Variants in ITIH6 observed in about 807,000 individuals in gnomAD.
ITIH6 encodes the protein inter-alpha-trypsin inhibitor heavy chain H6.
ITIH6 carries 60 observed loss-of-function variants against 58.2 expected under a neutral mutation model. The observed-to-expected ratio is 1.03, with a 90% CI of 0.84 to 1.28. The LOEUF (loss-of-function observed/expected upper bound fraction) is 1.28, where lower values mean the gene tolerates loss of function less well. Among genes scored for constraint, ITIH6 ranks in the 50% most tolerant of loss-of-function variants. The probability of loss-of-function intolerance (pLI) is 0.00; values close to 1 mark genes in which losing one functional copy is unlikely to be tolerated. For missense variants in ITIH6, 1,290 were observed against 1,021.1 expected (o/e 1.26, Z -3.59); for synonymous variants, 493 against 417.4 (o/e 1.18, Z -2.21).
At chrX:54,793,000 C>G (rs1250307844) in intron 2 of ITIH6, among the ~76,000 whole-genome samples, 1 of 110,392 alleles carries the variant, frequency 9.1e-6, no homozygotes, top group Non-Finnish European at 1.9e-5. Context: ...GTCCTCTATT[C>G]TTTCTACATT....
rs1180302958 is a variant in ITIH6, at chrX:54,759,897, C to T, written c.934G>A (p.Asp312Asn). Residue 312 changes from aspartate to asparagine, a missense_variant, in exon 7 of 13, where the codon GAC (aspartate) becomes AAC (asparagine). By Grantham distance (23) the Asp-to-Asn change is conservative. Coordinates refer to ENST00000218436, the MANE Select transcript of ITIH6 (RefSeq NM_198510.3). ...TTGAAGTAGTCATTGGCTTGAAGGT[C>T]ACTGAGGATCACATTCATGGCCGTT... ...TKTAMNVILSDLQANDYFNII... is the reference protein window; with the variant it reads ...TKTAMNVILSNLQANDYFNII... 8.3e-7 allele frequency: 1 copy of T among 1,207,701 alleles called. No homozygotes were observed. Among genetic ancestry groups the T allele is most frequent in the Non-Finnish European group, 1.1e-6 (1 of 893,484 alleles).
chrX:54,750,160 GA>G, intron 12 of ITIH6, 54 bp from the exon 13 acceptor site: 1 of 982,661 alleles, frequency 1.0e-6, no homozygotes, highest in Non-Finnish European at 1.4e-6. Flanking sequence ...TCCCTGCTCA[GA>G]GATCTGCAAG....
chrX:54,794,638 G>T (rs894673465), intron 2 of ITIH6, among the ~76,000 whole-genome samples: 2 of 111,185 alleles, frequency 1.8e-5, no homozygotes, highest in Non-Finnish European at 3.8e-5. Flanking sequence ...TTCTCCAGGG[G>T]AAGTGCCAGG....
Position 54,751,144 on chromosome X carries a change from G to A in ITIH6, c.3589C>T (p.Leu1197Phe), listed in dbSNP as rs756898377. 2.5e-6 allele frequency: 3 copies of A among 1,208,888 alleles called. No individual in the cohort carries two copies. The highest frequency in any genetic ancestry group is 3.0e-5 in the East Asian group (1 of 33,711). Residue 1197 changes from leucine to phenylalanine, a missense_variant, in exon 12 of 13, where the codon CTT becomes TTT. Leu to Phe is a conservative substitution (Grantham distance 22). Transcript: ENST00000218436. ...AGGTAGGGCCCAAGGCGGAGGGTAA[G>A]GCGGGCTGCAGCAGCCACATAGAGC... is the stretch of plus-strand genomic sequence containing the variant. ...LELYVAAAAR[L>F]TLRLGPYLEF...
rs1414908960 is a variant in ITIH6, at chrX:54,774,192, G to A, written c.792C>T (p.Tyr264=). Reference sequence around the variant, plus strand: ...CAAAGTAGTGAATGAAATAGTCATCGTAAATCTGGACCAAAAAAAAAAAAA... The same window carrying A: ...CAAAGTAGTGAATGAAATAGTCATCATAAATCTGGACCAAAAAAAAAAAAA... ...MEDIIGDVQI[Y]DDYFIHYFAP... The change falls in exon 6 of 13, where the codon TAC becomes TAT. Residue 264 remains tyrosine, a synonymous_variant. Transcript: ENST00000218436. The A allele has an allele frequency of 1.0e-5, 9 of 860,275 alleles. No homozygotes were observed. The highest frequency in any genetic ancestry group is 2.7e-5 in the South Asian group (1 of 36,851). 70.9% of individuals were successfully genotyped at this position (860,275 alleles called of 1,213,427 possible). A position where few individuals can be genotyped will look rare whatever the true frequency, so the allele number is the denominator to read the frequency against.
intron 5 of ITIH6, among the ~76,000 whole-genome samples, chrX:54,778,601 A>G (rs1929095384): frequency 8.9e-6 from 1 of 112,324 alleles, no homozygotes; most frequent in African/African-American, 3.2e-5. Context: ...AAAAGTAAAA[A>G]GAATAAGAAG....
chrX:54,757,469 T>C lies in ITIH6; in HGVS notation c.2605A>G (p.Ile869Val). 1.7e-6 allele frequency: 2 copies of C among 1,210,820 alleles called. No individual in the cohort carries two copies. Among genetic ancestry groups the C allele is most frequent in the South Asian group, 1.8e-5 (1 of 56,922 alleles). ...SAPPHQISTS[I>V]SLSKPETPNP... The stretch of plus-strand genomic sequence containing the variant: ...GGGGTCTCAGGCTTGGAAAGTGATA[T>C]GCTTGTGGAAATTTGGTGTGGTGGG... The change falls in exon 8 of 13, where the codon ATA (isoleucine) becomes GTA (valine). Residue 869 changes from isoleucine (I) to valine (V), a missense_variant. Ile to Val is a conservative substitution (Grantham distance 29). Transcript: ENST00000218436.
intron 6 of ITIH6, among the ~76,000 whole-genome samples, chrX:54,764,932 A>G (rs1471465757): frequency 1.1e-5 from 1 of 93,490 alleles, no homozygotes; most frequent in African/African-American, 3.9e-5. Context: ...TTGTTTCCTG[A>G]CTTTTTAATG....
intron 5 of ITIH6, among the ~76,000 whole-genome samples, chrX:54,783,058 C>T (rs778780504): frequency 8.9e-6 from 1 of 112,502 alleles, no homozygotes; most frequent in South Asian, 3.7e-4. Flanking sequence ...CAATGTGATA[C>T]ATTATATCAA....
rs747971283 is a variant in ITIH6 at position 54,753,663 on chromosome X, C to T, written c.3340G>A (p.Asp1114Asn). The change falls in exon 11 of 13, where the codon GAC (aspartate) becomes AAC (asparagine). Residue 1114 changes from aspartate to asparagine, a missense_variant. Physicochemically the swap from Asp to Asn is conservative, Grantham distance 23 (BLOSUM62 1). Coordinates refer to ENST00000218436, the MANE Select transcript of ITIH6 (RefSeq NM_198510.3). ...TTGGGGCTCTTACCTGCCTTTGGGT[C>T]CTCTATGAGCTGCAGCAAGTCCCCA... is the stretch of plus-strand genomic sequence containing the variant. ...HPGDLLQLIE[D>N]PKAGLHVSGK... 1.7e-4 allele frequency: 200 copies of T among 1,203,830 alleles called. No homozygotes were observed. Among genetic ancestry groups the T allele is most frequent in the Non-Finnish European group, 2.1e-4 (191 of 890,350 alleles).
intron 6 of ITIH6, among the ~76,000 whole-genome samples, chrX:54,763,671 G>A (rs934891214): frequency 8.9e-6 from 1 of 112,073 alleles, no homozygotes; most frequent in Non-Finnish European, 1.9e-5. Context: ...TTCTAGAAAT[G>A]TCAATTCGAT....
intron 8 of ITIH6, 99 bp from the exon 9 acceptor site, chrX:54,755,208 A>G: frequency 1.5e-6 from 1 of 671,082 alleles, no homozygotes; most frequent in Non-Finnish European, 2.3e-6. Context: ...CTGCAGGTTG[A>G]CCTGCCCATC....
chrX:54,754,221 A>C (rs1012612711), intron 9 of ITIH6, among the ~76,000 whole-genome samples: 5 of 111,319 alleles, frequency 4.5e-5, no homozygotes, highest in African/African-American at 1.3e-4. Flanking sequence ...CTTTCCCTTA[A>C]CTACCAAGGA....
intron 5 of ITIH6, among the ~76,000 whole-genome samples, chrX:54,780,749 A>G (rs1323918948): frequency 8.1e-5 from 9 of 111,487 alleles, no homozygotes; most frequent in Non-Finnish European, 1.3e-4. Flanking sequence ...AAGTTTAACA[A>G]AATTGACAAA....
rs1928316628 is a variant in ITIH6 at position 54,749,907 on chromosome X, G to A, written c.3930C>T (p.Ser1310=). 7.5e-6 allele frequency: 9 copies of A among 1,207,937 alleles called. No homozygotes were observed. Among genetic ancestry groups the A allele is most frequent in the Non-Finnish European group, 1.0e-5 (9 of 893,934 alleles). Residue 1310 remains serine, a synonymous_variant, in exon 13 of 13, where the codon TCC becomes TCT. Coordinates refer to ENST00000218436, the MANE Select transcript of ITIH6 (RefSeq NM_198510.3). The part of the protein sequence containing the change: ...VELLLGHPYL[S]YVL The stretch of plus-strand genomic sequence containing the variant: ...AATTCAGAAGCCATCACAGGACATA[G>A]GAGAGGTAGGGGTGGCCCAGAAGCA...
intron 12 of ITIH6, among the ~76,000 whole-genome samples, chrX:54,750,605 G>A (rs1928332586): frequency 9.0e-6 from 1 of 111,382 alleles, no homozygotes; most frequent in Non-Finnish European, 1.9e-5. Flanking sequence ...ATTGCTTTCA[G>A]GATAAAGCCC....
At chrX:54,751,530 C>T in intron 11 of ITIH6, 150 bp from the exon 12 acceptor site, 2 of 647,864 alleles carry the variant, frequency 3.1e-6, no homozygotes, top group South Asian at 2.9e-5. Flanking sequence ...CACCTGGCTG[C>T]TCCTTCCTGA....
rs1490838426 is a variant in ITIH6, at chrX:54,758,810, C to A, written c.1264G>T (p.Val422Leu). 2 of 1,210,746 alleles carry A rather than the reference C, an allele frequency of 1.7e-6. No individual in the cohort carries two copies. The highest frequency in any genetic ancestry group is 2.2e-6 in the Non-Finnish European group (2 of 894,931). Reference protein sequence around the residue: ...SNVRQALGHRVSLFSLAFGDD... With the variant: ...SNVRQALGHRLSLFSLAFGDD... ...CCAAAGGCCAAGCTGAAAAGGGATA[C>A]CCTGTGGCCTAGCGCCTGACGGACA... Residue 422 changes from valine (V) to leucine (L), a missense_variant, in exon 8 of 13, where the codon GTA becomes TTA. Val to Leu is a conservative substitution (Grantham distance 32). Coordinates refer to ENST00000218436, the MANE Select transcript of ITIH6 (RefSeq NM_198510.3).
Position 54,774,068 on chromosome X carries a change from G to A in ITIH6, c.903+13C>T. On this transcript the variant is annotated intron_variant, in intron 6 of 12. Transcript: ENST00000218436. ...ATACTAGGACTAAGAAAGGTTTCCA[G>A]GATCCTTGTTACCTGTTCCATCTTG... is the stretch of plus-strand genomic sequence containing the variant. 3 of 1,063,888 alleles carry A rather than the reference G, an allele frequency of 2.8e-6. No homozygotes were observed. Among genetic ancestry groups the A allele is most frequent in the Non-Finnish European group, 2.6e-6 (2 of 777,186 alleles). 87.7% of individuals were successfully genotyped at this position (1,063,888 alleles called of 1,213,427 possible).
Sources: allele counts gnomAD v4.1 joint callset (sites outside exome capture counted in the v4.1 genomes callset), GRCh38; gene constraint gnomAD v4.1.1; transcripts MANE v1.5; gene names NCBI Gene and HGNC (gene_info 2026-07-23, HGNC 2026-07-21).